The following TLN2 variants were observed in gnomAD, a reference collection of about 807,000 sequenced individuals.
TLN2 encodes the protein talin 2.
TLN2 carries 118 observed loss-of-function variants against 294.7 expected under a neutral mutation model. The ratio of observed to expected loss-of-function variants is 0.40; its 90% CI spans 0.34 to 0.47. The LOEUF (loss-of-function observed/expected upper bound fraction) is 0.47, where lower values mean the gene tolerates loss of function less well. Among genes scored for constraint, TLN2 ranks in the 20% least tolerant of loss-of-function variants. The probability of loss-of-function intolerance (pLI) is 0.84; values close to 1 mark genes in which losing one functional copy is unlikely to be tolerated. For missense variants in TLN2, 3,083 were observed against 3,282.2 expected (o/e 0.94, Z 1.48); for synonymous variants, 1,431 against 1,304.5 (o/e 1.10, Z -2.09).
intron 28 of TLN2, among the ~76,000 whole-genome samples, chr15:62,732,049 C>T (rs1293409622): frequency 1.3e-5 from 2 of 152,130 alleles, no homozygotes; most frequent in Non-Finnish European, 2.9e-5. Context: ...GCAGAATTGA[C>T]ACTTAGCGAG....
rs1424982427 is a variant in TLN2 at position 62,707,081 on chromosome 15, C to T, written c.2005-5C>T. 7 of 1,603,346 alleles carry T rather than the reference C, an allele frequency of 4.4e-6. No individual in the cohort carries two copies. Among genetic ancestry groups the T allele is most frequent in the Non-Finnish European group, 6.0e-6 (7 of 1,172,482 alleles). ...AATGAATAGTCTTTGATTCCCTTTT[C>T]TTAGGATGTTTTAATGAGTTTGGCC... On this transcript the variant is annotated splice_region_variant and splice_polypyrimidine_tract_variant and intron_variant, in intron 19 of 58. Coordinates refer to ENST00000636159, the MANE Select transcript of TLN2 (RefSeq NM_015059.3).
At chr15:62,492,911 G>A (rs1467307421) in intron 1 of TLN2, among the ~76,000 whole-genome samples, 2 of 152,182 alleles carry the variant, frequency 1.3e-5, no homozygotes, top group East Asian at 3.8e-4. Flanking sequence ...CTTTGGAAAA[G>A]TGGGGTAGCC....
At chr15:62,640,490 G>A (rs1052711190) in intron 3 of TLN2, 8 of 393,244 alleles carry the variant, frequency 2.0e-5, no homozygotes, top group Non-Finnish European at 3.5e-5. Context: ...CTTTACACAG[G>A]AGTGTGCAGA....
intron 1 of TLN2, among the ~76,000 whole-genome samples, chr15:62,515,348 T>G (rs556485629): frequency 1.4e-3 from 207 of 152,348 alleles, no homozygotes; most frequent in African/African-American, 4.7e-3. Flanking sequence ...GTGAATATAC[T>G]ATAATTTATC....
intron 1 of TLN2, among the ~76,000 whole-genome samples, chr15:62,525,809 C>G (rs556851502): frequency 2.0e-5 from 3 of 152,300 alleles, no homozygotes; most frequent in Non-Finnish European, 4.4e-5. Flanking sequence ...CCACACGGCA[C>G]CCCTGCTTCT....
chr15:62,591,718 A>T (rs1031766652), intron 2 of TLN2, among the ~76,000 whole-genome samples: 1 of 152,108 alleles, frequency 6.6e-6, no homozygotes, highest in African/African-American at 2.4e-5. Flanking sequence ...AGGCGGGTAG[A>T]ATACTGGACT....
intron 37 of TLN2, among the ~76,000 whole-genome samples, chr15:62,760,533 C>A (rs1049280782): frequency 6.6e-6 from 1 of 152,124 alleles, no homozygotes; most frequent in African/African-American, 2.4e-5. Context: ...AATTTGCATT[C>A]TTCTGCAAAC....
intron 1 of TLN2, among the ~76,000 whole-genome samples, chr15:62,573,521 T>G (rs2044103606): frequency 6.6e-6 from 1 of 152,126 alleles, no homozygotes; most frequent in Non-Finnish European, 1.5e-5. Flanking sequence ...AGCACCTGCT[T>G]TTCATAGAGA....
intron 31 of TLN2, 96 bp from the exon 32 acceptor site, chr15:62,740,534 C>A (rs982021861): frequency 3.2e-6 from 5 of 1,541,396 alleles, no homozygotes; most frequent in Non-Finnish European, 4.4e-6. Flanking sequence ...ATACGGATAA[C>A]CTGCCTGCAT....
At chr15:62,480,963 C>T (rs1295322764) in intron 1 of TLN2, among the ~76,000 whole-genome samples, 1 of 152,198 alleles carries the variant, frequency 6.6e-6, no homozygotes, top group African/African-American at 2.4e-5. Flanking sequence ...GCACTATTGA[C>T]AGGGCAGTTG....
chr15:62,551,401 G>T (rs2140556260), intron 1 of TLN2, among the ~76,000 whole-genome samples: 1 of 152,232 alleles, frequency 6.6e-6, no homozygotes, highest in East Asian at 1.9e-4. Context: ...GCAGGGCGTG[G>T]TGGTTCACGC....
chr15:62,483,142 A>G (rs1009687138), intron 1 of TLN2, among the ~76,000 whole-genome samples: 2 of 152,056 alleles, frequency 1.3e-5, no homozygotes, highest in African/African-American at 2.4e-5. Context: ...ATTAGCTGGG[A>G]TCTCTTAGGC....
At position 62,701,203 on chromosome 15, in the gene TLN2, A is replaced by T. The variant is rs769983925; in HGVS notation, c.1685A>T (p.Asn562Ile). ...AITAGTASVV[N>I]LTAGDPADTD... ...ACGGCCGGAACGGCTTCAGTTGTTA[A>T]CCTCACAGCTGGTAAGTCCCGGAGA... The change falls in exon 17 of 59, where the codon AAC becomes ATC. Residue 562 changes from asparagine (N) to isoleucine (I), a missense_variant. By Grantham distance (149) the Asn-to-Ile change is moderately radical. Coordinates refer to ENST00000636159, the MANE Select transcript of TLN2 (RefSeq NM_015059.3). 1.2e-6 allele frequency: 2 copies of T among 1,613,672 alleles called. No individual in the cohort carries two copies. The highest frequency in any genetic ancestry group is 1.7e-6 in the Non-Finnish European group (2 of 1,179,718).
intron 1 of TLN2, among the ~76,000 whole-genome samples, chr15:62,400,142 C>T (rs1038338143): frequency 6.6e-6 from 1 of 152,186 alleles, no homozygotes; most frequent in African/African-American, 2.4e-5. Context: ...AGGGGCTTTT[C>T]CCCCTTTGCC....
intron 32 of TLN2, among the ~76,000 whole-genome samples, chr15:62,742,349 A>G (rs773829888): frequency 2.0e-5 from 3 of 151,882 alleles, no homozygotes; most frequent in Non-Finnish European, 4.4e-5. Flanking sequence ...TTTTTTTCCT[A>G]CAAAGGAGCC....
chr15:62,720,817 C>T (rs561603168), intron 25 of TLN2, among the ~76,000 whole-genome samples: 79 of 152,102 alleles, frequency 5.2e-4, no homozygotes, highest in African/African-American at 1.8e-3. Context: ...CATTATTGGA[C>T]GTACAGGTTT....
At chr15:62,821,176 T>C (rs1185914072) in intron 54 of TLN2, among the ~76,000 whole-genome samples, 2 of 152,236 alleles carry the variant, frequency 1.3e-5, no homozygotes, top group Non-Finnish European at 2.9e-5. Context: ...AGAGATACTT[T>C]TAGATTAGGC....
chr15:62,393,543 A>C (rs553003141), intron 1 of TLN2, among the ~76,000 whole-genome samples: 194 of 152,306 alleles, frequency 1.3e-3, no homozygotes, highest in Non-Finnish European at 1.9e-3. Flanking sequence ...CTCCCAGAAC[A>C]TCGTTAGTTC....
At chr15:62,750,664 A>T (rs990903084) in intron 34 of TLN2, among the ~76,000 whole-genome samples, 173 bp downstream of exon 34, 5 of 152,158 alleles carry the variant, frequency 3.3e-5, no homozygotes, top group African/African-American at 1.2e-4. Flanking sequence ...TTGACGGTGC[A>T]TCAGAATCAC....
Sources: gnomAD v4.1 joint callset for allele counts (sites outside exome capture counted in the v4.1 genomes callset) on GRCh38, gnomAD v4.1.1 for gene constraint, MANE v1.5 for transcripts, NCBI Gene and HGNC (gene_info 2026-07-23, HGNC 2026-07-21) for gene names.